The following SESTD1 variants were observed in gnomAD, a reference collection of about 807,000 sequenced individuals.
SESTD1 encodes SEC14 and spectrin domain containing 1.
Under a neutral mutation model 101.7 loss-of-function variants are expected in SESTD1, and 43 were observed. That is an observed-to-expected ratio of 0.42 (90% CI 0.33 to 0.55). The LOEUF is 0.55. Among genes scored for constraint, SESTD1 ranks in the 20% least tolerant of loss-of-function variants. SESTD1 has a pLI of 0.07. For missense variants in SESTD1, 647 were observed against 815.1 expected (o/e 0.79, Z 2.51); for synonymous variants, 283 against 286.8 (o/e 0.99, Z 0.13).
intron 4 of SESTD1, among the ~76,000 whole-genome samples, chr2:179,176,060 C>A (rs2105478698): frequency 6.6e-6 from 1 of 152,198 alleles, no homozygotes. Context: ...TACACTTAAC[C>A]AATCCTACCA....
Position 179,264,551 on chromosome 2 carries a change from G to C in SESTD1, c.-78C>G, listed in dbSNP as rs547280564. 27 of 151,556 alleles carry C rather than the reference G, an allele frequency of 1.8e-4. 1 individual carries two copies. The South Asian group carries it at 4.8e-3, about 27-fold the overall frequency. 9.4% of individuals were successfully genotyped at this position (151,556 alleles called of 1,614,324 possible). A position where few individuals can be genotyped will look rare whatever the true frequency, so the allele number is the denominator to read the frequency against. On this transcript the variant is annotated 5_prime_UTR_variant, in exon 1 of 18. Coordinates refer to ENST00000428443, the MANE Select transcript of SESTD1 (RefSeq NM_178123.5). ...CGGCTCCGGGGCGTTGGGGAAGACA[G>C]GGGAACGCTAGCGAGGTGCGGGCGG...
rs1286657128 is a variant in SESTD1 at position 179,108,347 on chromosome 2, T to G, written c.*1552A>C. 6.6e-6 allele frequency: 1 copy of G among 152,172 alleles called. No individual in the cohort carries two copies. Among genetic ancestry groups the G allele is most frequent in the Non-Finnish European group, 1.5e-5 (1 of 68,034 alleles). The allele number at this position is 152,172 out of a possible 1,614,324, so 9.4% of individuals were successfully genotyped here. On this transcript the variant is annotated 3_prime_UTR_variant, in exon 18 of 18. Coordinates refer to ENST00000428443, the MANE Select transcript of SESTD1 (RefSeq NM_178123.5). ...GAAGGAGACACTGTCTAGGAAAGGT[T>G]GCTCAATGGTGTAAATGTTGCAGAG... is the stretch of plus-strand genomic sequence containing the variant.
intron 2 of SESTD1, among the ~76,000 whole-genome samples, chr2:179,187,442 T>C (rs1206675387): frequency 6.6e-6 from 1 of 152,088 alleles, no homozygotes; most frequent in Non-Finnish European, 1.5e-5. Flanking sequence ...CTGGGCAATA[T>C]ATAAGGACAC....
intron 4 of SESTD1, 98 bp downstream of exon 4, chr2:179,176,350 C>T: frequency 2.3e-6 from 2 of 861,662 alleles, no homozygotes; most frequent in Admixed American, 4.2e-5. Context: ...TGCTAGGAAG[C>T]CAGGCACAGT....
chr2:179,183,285 G>A (rs545885958), intron 2 of SESTD1, 97 bp from the exon 3 acceptor site: 1 of 695,648 alleles, frequency 1.4e-6, no homozygotes, highest in South Asian at 4.0e-5. Flanking sequence ...ATAATGATAA[G>A]TTTAAGATAT....
In SESTD1 at chr2:179,218,341, A is replaced by AT. The variant is rs1291169371; in HGVS notation, c.-25-26476dup. On this transcript the variant is annotated intron_variant, in intron 1 of 17. Transcript: ENST00000428443. ...GTAAAGCAGGCTAAGAAATGAAAGA[A>AT]TTAAGGAATTCACAACATTCGTAAC... 3.3e-5 allele frequency among the ~76,000 whole-genome samples: 5 copies of AT among 152,276 alleles called. No homozygotes were observed. The East Asian group carries it at 9.7e-4, about 29-fold the overall frequency.
chr2:179,212,842 C>T lies in SESTD1; in HGVS notation c.-25-20976G>A, dbSNP rs1235830911. ...TGTTCTGCAGCCTCCGCTGGTGATA[C>T]CCAGGCAAACAGGGTCTGGAGTGGA... On this transcript the variant is annotated intron_variant, in intron 1 of 17. Transcript: ENST00000428443. Among the ~76,000 whole-genome samples the T allele has an allele frequency of 3.0e-5, 4 of 134,892 alleles. 2 individuals carry two copies. The highest frequency in any genetic ancestry group is 6.4e-5 in the Non-Finnish European group (4 of 62,714). The allele number at this position is 134,892 out of a possible 152,430, so 88.5% of individuals were successfully genotyped here.
intron 2 of SESTD1, among the ~76,000 whole-genome samples, chr2:179,183,866 CAG>C (rs948764145): frequency 1.6e-5 from 2 of 122,088 alleles, no homozygotes; most frequent in African/African-American, 6.3e-5. Flanking sequence ...GGAAGAGAGA[CAG>C]AGAGGAAGGA....
At chr2:179,159,290 C>T (rs1460286908) in intron 5 of SESTD1, among the ~76,000 whole-genome samples, 1 of 152,124 alleles carries the variant, frequency 6.6e-6, no homozygotes, top group Non-Finnish European at 1.5e-5. Context: ...ACACCACTTA[C>T]TAGGATACAA....
chr2:179,146,526 A>G (rs2045399417), intron 7 of SESTD1, 69 bp from the exon 8 acceptor site: 2 of 1,360,452 alleles, frequency 1.5e-6, no homozygotes, highest in Non-Finnish European at 1.0e-6. Flanking sequence ...AAATTCCTTT[A>G]CATATAAAAA....
intron 6 of SESTD1, among the ~76,000 whole-genome samples, chr2:179,149,796 G>C (rs1559114852): frequency 6.6e-6 from 1 of 152,050 alleles, no homozygotes; most frequent in African/African-American, 2.4e-5. Context: ...TCACATAATA[G>C]TTGTTATATA....
intron 10 of SESTD1, among the ~76,000 whole-genome samples, chr2:179,130,581 T>C (rs1054251677): frequency 3.3e-5 from 5 of 152,056 alleles, no homozygotes; most frequent in African/African-American, 1.2e-4. Context: ...GTACAGTATG[T>C]ATACAATCCA....
chr2:179,136,198 T>C (rs1420641443), intron 9 of SESTD1, among the ~76,000 whole-genome samples: 2 of 152,244 alleles, frequency 1.3e-5, no homozygotes, highest in African/African-American at 2.4e-5. Context: ...TTTTAAATGA[T>C]GTTAATGATA....
chr2:179,233,817 C>T (rs984650523), intron 1 of SESTD1, among the ~76,000 whole-genome samples: 1 of 152,080 alleles, frequency 6.6e-6, no homozygotes, highest in Admixed American at 6.6e-5. Context: ...CGTGTGTGTG[C>T]ACATGGCCTG....
chr2:179,228,851 G>A (rs1471725752), intron 1 of SESTD1, among the ~76,000 whole-genome samples: 1 of 152,154 alleles, frequency 6.6e-6, no homozygotes, highest in African/African-American at 2.4e-5. Flanking sequence ...TATTAATCAA[G>A]CTCTTCCCCT....
At chr2:179,181,199 C>T (rs2046101706) in intron 3 of SESTD1, among the ~76,000 whole-genome samples, 1 of 152,014 alleles carries the variant, frequency 6.6e-6, no homozygotes, top group Non-Finnish European at 1.5e-5. Flanking sequence ...CCTGCTTATC[C>T]ACGCCAGAGT....
chr2:179,116,580 G>C (rs1254933768), intron 15 of SESTD1, 88 bp downstream of exon 15: 2 of 1,583,158 alleles, frequency 1.3e-6, no homozygotes, highest in Non-Finnish European at 1.7e-6. Context: ...TAACCTTCTT[G>C]TACTTGGAAG....
rs535900182 is a variant in SESTD1 at position 179,115,957 on chromosome 2, G to A, written c.1648-701C>T. The stretch of plus-strand genomic sequence containing the variant: ...TATAGGAAACTACATCTGTTAAAAC[G>A]TGAACTCATTATTAGGGAAAATAAG... On this transcript the variant is annotated intron_variant, in intron 15 of 17. Coordinates refer to ENST00000428443, the MANE Select transcript of SESTD1 (RefSeq NM_178123.5). Among the ~76,000 whole-genome samples, 6 of 152,108 alleles carry A rather than the reference G, an allele frequency of 3.9e-5. No homozygotes were observed. In the South Asian group the frequency reaches 1.2e-3, roughly 32 times the overall value.
At chr2:179,262,703 A>G (rs2047499946) in intron 1 of SESTD1, among the ~76,000 whole-genome samples, 1 of 152,210 alleles carries the variant, frequency 6.6e-6, no homozygotes, top group African/African-American at 2.4e-5. Flanking sequence ...GAGAGTGGAA[A>G]AGCTTCAACA....
Sources: allele counts gnomAD v4.1 joint callset (sites outside exome capture counted in the v4.1 genomes callset), GRCh38; gene constraint gnomAD v4.1.1; transcripts MANE v1.5; gene names NCBI Gene and HGNC (gene_info 2026-07-23, HGNC 2026-07-21).